LRRC1: variants seen among roughly 807,000 people sequenced by gnomAD.
LRRC1 encodes leucine-rich repeat-containing protein 1.
LRRC1 carries 28 observed loss-of-function variants against 69.9 expected under a neutral mutation model. The ratio of observed to expected loss-of-function variants is 0.40; its 90% CI spans 0.30 to 0.55. The LOEUF is 0.55. Ranked by LOEUF, LRRC1 falls within the 20% of genes least tolerant of loss-of-function variation. LRRC1 has a pLI of 0.47. For synonymous variants in LRRC1, 236 were observed against 240.2 expected (o/e 0.98, Z 0.16); for missense variants, 498 against 609.0 (o/e 0.82, Z 1.92).
intron 1 of LRRC1, among the ~76,000 whole-genome samples, chr6:53,837,519 T>G (rs114778514): frequency 3.9e-4 from 60 of 152,246 alleles, no homozygotes; most frequent in African/African-American, 1.3e-3. Context: ...GTGAGTAAAT[T>G]TGGTGTTATT....
Position 53,858,183 on chromosome 6 carries a change from C to T in LRRC1, c.277+15956C>T, listed in dbSNP as rs75368893. Among the ~76,000 whole-genome samples, 1,275 of 152,266 alleles carry T rather than the reference C, an allele frequency of 8.4e-3. 14 individuals carry two copies. Among genetic ancestry groups the T allele is most frequent in the African/African-American group, 0.028 (1,163 of 41,548 alleles). ...ATTCCATGTTAAGTGTTGAGAACCA[C>T]AGGCAGTTAGTAGTCCCTCCTTCTA... is the stretch of plus-strand genomic sequence containing the variant. On this transcript the variant is annotated intron_variant, in intron 2 of 13. Transcript: ENST00000370888.
chr6:53,899,956 C>T (rs1412425592), intron 8 of LRRC1, 65 bp downstream of exon 8: 20 of 1,422,488 alleles, frequency 1.4e-5, no homozygotes, highest in Non-Finnish European at 1.9e-5. Context: ...GTTTGGGGCA[C>T]ACTTTGATCC....
At chr6:53,818,986 C>T (rs977780677) in intron 1 of LRRC1, among the ~76,000 whole-genome samples, 1 of 152,176 alleles carries the variant, frequency 6.6e-6, no homozygotes, top group Admixed American at 6.5e-5. Flanking sequence ...GAGTACAGGA[C>T]TGTGGGGGTC....
intron 2 of LRRC1, among the ~76,000 whole-genome samples, chr6:53,859,858 A>G (rs527317880): frequency 1.3e-5 from 2 of 152,352 alleles, no homozygotes; most frequent in Non-Finnish European, 2.9e-5. Flanking sequence ...ATAATCTTAG[A>G]GCGAGGGAAC....
At chr6:53,864,440 A>G (rs1399019408) in intron 2 of LRRC1, among the ~76,000 whole-genome samples, 1 of 152,122 alleles carries the variant, frequency 6.6e-6, no homozygotes, top group African/African-American at 2.4e-5. Flanking sequence ...CCTGCAATGT[A>G]TCTGGAGCTG....
intron 10 of LRRC1, among the ~76,000 whole-genome samples, chr6:53,911,599 C>T (rs890463535): frequency 2.0e-5 from 3 of 152,224 alleles, no homozygotes; most frequent in African/African-American, 7.2e-5. Context: ...GATCAGGACG[C>T]TAGCGGGGGT....
At chr6:53,873,103 T>G (rs145397113) in intron 2 of LRRC1, among the ~76,000 whole-genome samples, 1 of 152,168 alleles carries the variant, frequency 6.6e-6, no homozygotes, top group East Asian at 1.9e-4. Flanking sequence ...TCTTTCCATT[T>G]ATTTATATCC....
Position 53,879,069 on chromosome 6 carries a change from T to C in LRRC1, c.354T>C (p.Thr118=). The C allele has an allele frequency of 6.2e-7, 1 of 1,608,362 alleles. No individual in the cohort carries two copies. ...CTGACTTCAGCGGAAACCCACTGAC[T>C]AGGTAAGCTTTCTGCTTACTTTTCT... is the stretch of plus-strand genomic sequence containing the variant. ...QVADFSGNPL[T]RLPESFPELQ... Residue 118 remains threonine (T), a splice_region_variant and synonymous_variant, in exon 3 of 14, where the codon ACT becomes ACC. Coordinates refer to ENST00000370888, the MANE Select transcript of LRRC1 (RefSeq NM_018214.5).
intron 2 of LRRC1, among the ~76,000 whole-genome samples, chr6:53,874,194 T>C (rs915073235): frequency 3.3e-5 from 5 of 152,184 alleles, no homozygotes; most frequent in Admixed American, 6.5e-5. Context: ...CTCTGAGCCT[T>C]AGTGTCCATT....
intron 2 of LRRC1, among the ~76,000 whole-genome samples, chr6:53,872,293 G>A (rs909903431): frequency 6.6e-6 from 1 of 152,024 alleles, no homozygotes; most frequent in Non-Finnish European, 1.5e-5. Context: ...GGTTTTTGGG[G>A]AACAGGTGGT....
chr6:53,813,567 T>A (rs1764864426), intron 1 of LRRC1, among the ~76,000 whole-genome samples: 2 of 113,776 alleles, frequency 1.8e-5, no homozygotes, highest in Admixed American at 1.2e-4. Flanking sequence ...TTTCTGGAAA[T>A]CAGTTTTTAC....
intron 2 of LRRC1, among the ~76,000 whole-genome samples, chr6:53,856,528 A>T (rs574131072): frequency 1.3e-5 from 2 of 152,354 alleles, no homozygotes; most frequent in South Asian, 4.1e-4. Context: ...AGAGACAAAT[A>T]TCTGCATTTG....
At chr6:53,889,583 G>C (rs554282295) in intron 4 of LRRC1, among the ~76,000 whole-genome samples, 1 of 152,134 alleles carries the variant, frequency 6.6e-6, no homozygotes, top group South Asian at 2.1e-4. Flanking sequence ...CAAAATGCAT[G>C]CTATAGTCAA....
chr6:53,860,865 C>T (rs1766477031), intron 2 of LRRC1, among the ~76,000 whole-genome samples: 1 of 152,124 alleles, frequency 6.6e-6, no homozygotes, highest in Admixed American at 6.5e-5. Context: ...TCAGATACCA[C>T]ACTAAAATGG....
intron 1 of LRRC1, among the ~76,000 whole-genome samples, chr6:53,839,175 A>C (rs1187649381): frequency 6.6e-6 from 1 of 152,092 alleles, no homozygotes; most frequent in Non-Finnish European, 1.5e-5. Context: ...ATAATAGTGC[A>C]AAGATGTATT....
At chr6:53,916,822 A>C (rs1768578885) in intron 11 of LRRC1, among the ~76,000 whole-genome samples, 2 of 152,232 alleles carry the variant, frequency 1.3e-5, no homozygotes, top group African/African-American at 4.8e-5. Flanking sequence ...TTGAGAAAGC[A>C]GTTGCTATAG....
intron 2 of LRRC1, among the ~76,000 whole-genome samples, chr6:53,859,905 T>C (rs570432169): frequency 3.2e-4 from 49 of 152,308 alleles, no homozygotes; most frequent in African/African-American, 1.2e-3. Flanking sequence ...TAACATGGAA[T>C]AACAGGCTTG....
At chr6:53,897,872 C>T (rs760855499) in intron 7 of LRRC1, among the ~76,000 whole-genome samples, 11 of 152,168 alleles carry the variant, frequency 7.2e-5, no homozygotes, top group Non-Finnish European at 1.5e-4. Context: ...AGTGGAAGAA[C>T]CATGTCCCAA....
chr6:53,870,742 C>T (rs1766855248), intron 2 of LRRC1, among the ~76,000 whole-genome samples: 1 of 152,160 alleles, frequency 6.6e-6, no homozygotes, highest in South Asian at 2.1e-4. Context: ...ACTTATTCCT[C>T]TTATCTTACT....
Sources: gnomAD v4.1 joint callset for allele counts (sites outside exome capture counted in the v4.1 genomes callset) on GRCh38, gnomAD v4.1.1 for gene constraint, MANE v1.5 for transcripts, NCBI Gene and HGNC (gene_info 2026-07-23, HGNC 2026-07-21) for gene names.